Variants in INSR observed in about 807,000 individuals in gnomAD.
INSR encodes IR.
INSR carries 67 observed loss-of-function variants against 142.6 expected under a neutral mutation model. The ratio of observed to expected loss-of-function variants is 0.47; its 90% CI spans 0.39 to 0.58. The LOEUF is 0.58. Ranked by LOEUF, INSR falls within the 20% of genes least tolerant of loss-of-function variation. The pLI is 0.00. For synonymous variants in INSR, 756 were observed against 743.1 expected, an observed-to-expected ratio of 1.02 and a Z score of -0.28; for missense variants, 1,248 against 1,833.2, an observed-to-expected ratio of 0.68 and a Z score of 5.83.
intron 10 of INSR, 93 bp downstream of exon 10, chr19:7,152,633 G>A (rs1357146459): frequency 1.9e-6 from 2 of 1,027,436 alleles, no homozygotes; most frequent in Non-Finnish European, 3.1e-6. Context: ...TGCCGTCTCT[G>A]GGTCCCACTA....
chr19:7,237,301 G>A (rs1600075493), intron 2 of INSR, among the ~76,000 whole-genome samples: 1 of 151,922 alleles, frequency 6.6e-6, no homozygotes, highest in African/African-American at 2.4e-5. Context: ...GGTGGATCAC[G>A]AGGTCAGGAG....
intron 2 of INSR, among the ~76,000 whole-genome samples, chr19:7,254,232 T>G (rs1050540356): frequency 1.3e-5 from 2 of 151,696 alleles, no homozygotes; most frequent in East Asian, 1.9e-4. Flanking sequence ...AAAAATAAAT[T>G]AGCCAGGGAT....
chr19:7,195,696 A>G (rs1568478741), intron 2 of INSR, among the ~76,000 whole-genome samples: 1 of 151,978 alleles, frequency 6.6e-6, no homozygotes, highest in Non-Finnish European at 1.5e-5. Flanking sequence ...ATGTTGGGAA[A>G]GACACAGAAA....
At chr19:7,258,017 G>A (rs1383714332) in intron 2 of INSR, among the ~76,000 whole-genome samples, 1 of 152,176 alleles carries the variant, frequency 6.6e-6, no homozygotes, top group Non-Finnish European at 1.5e-5. Flanking sequence ...GTAGAGATGG[G>A]GTTTCTCCAT....
chr19:7,288,950 GAAAAAAA>G (rs34590794), intron 1 of INSR, among the ~76,000 whole-genome samples: 1 of 88,692 alleles, frequency 1.1e-5, no homozygotes, highest in Non-Finnish European at 2.2e-5. Flanking sequence ...GTGAAGAAGT[GAAAAAAA>G]AAAAAAAAAA....
chr19:7,164,751 G>A (rs937043948), intron 8 of INSR, among the ~76,000 whole-genome samples: 39 of 147,474 alleles, frequency 2.6e-4, no homozygotes, highest in Non-Finnish European at 3.3e-4. Flanking sequence ...GCTTGAACCC[G>A]GGAGGCAGAG....
At chr19:7,180,003 G>T (rs541689733) in intron 3 of INSR, among the ~76,000 whole-genome samples, 1 of 152,186 alleles carries the variant, frequency 6.6e-6, no homozygotes, top group African/African-American at 2.4e-5. Flanking sequence ...GCTGGGGTAA[G>T]AGACTTATGG....
At position 7,225,774 on chromosome 19, in the gene INSR, G is replaced by A. The variant is rs1975761425; in HGVS notation, c.653-41137C>T. Among the ~76,000 whole-genome samples, 1 of 152,116 alleles carries A rather than the reference G, an allele frequency of 6.6e-6. No homozygotes were observed. Among genetic ancestry groups the A allele is most frequent in the Admixed American group, 6.5e-5 (1 of 15,276 alleles). On this transcript the variant is annotated intron_variant, in intron 2 of 21. Transcript: ENST00000302850. This position sits in a 1 kb window ranked among gnomAD's most constrained non-coding sequence, Gnocchi z 4.7. The stretch of plus-strand genomic sequence containing the variant: ...CCCATTCCAGCACCCTGGTCCAGGG[G>A]TCCTCAAATGGAGGCGATTCTGCCC...
At position 7,119,651 on chromosome 19, in the gene INSR, A is replaced by C. The variant is rs200860415; in HGVS notation, c.3660-68T>G. On this transcript the variant is annotated intron_variant, in intron 20 of 21. Transcript: ENST00000302850. This position sits in a 1 kb window ranked among gnomAD's most constrained non-coding sequence, Gnocchi z 5.2. The stretch of plus-strand genomic sequence containing the variant: ...ACACACACACACACGCGCGCGCGCA[A>C]ACACACACACGCAAACGCACACACA... 6.1e-6 allele frequency: 9 copies of C among 1,478,876 alleles called. No homozygotes were observed. Among genetic ancestry groups the C allele is most frequent in the African/African-American group, 2.7e-5 (2 of 73,278 alleles). 91.6% of individuals were successfully genotyped at this position (1,478,876 alleles called of 1,614,324 possible).
chr19:7,262,142 C>T (rs1977083376), intron 2 of INSR, among the ~76,000 whole-genome samples: 1 of 152,148 alleles, frequency 6.6e-6, no homozygotes, highest in African/African-American at 2.4e-5. Context: ...AAGGCTCAAT[C>T]TATTCTGTAT....
intron 3 of INSR, among the ~76,000 whole-genome samples, chr19:7,176,765 AG>A (rs1484497379): frequency 6.6e-6 from 1 of 152,174 alleles, no homozygotes; most frequent in Non-Finnish European, 1.5e-5. Flanking sequence ...CAGAACTGTC[AG>A]CCAATTAAAC....
chr19:7,152,398 A>T, intron 10 of INSR: 1 of 346,692 alleles, frequency 2.9e-6, no homozygotes, highest in Non-Finnish European at 5.5e-6. Flanking sequence ...AAAAAAAGAG[A>T]GAGAGAGAAA....
rs1359806388 is a variant in INSR at position 7,185,232 on chromosome 19, T to A, written c.653-595A>T. 2.0e-5 allele frequency among the ~76,000 whole-genome samples: 3 copies of A among 151,954 alleles called. No individual in the cohort carries two copies. The South Asian group carries it at 6.3e-4, about 32-fold the overall frequency. On this transcript the variant is annotated intron_variant, in intron 2 of 21. Transcript: ENST00000302850. ...TTTAACTGTAGGTTTATGTAATTTT[T>A]ATGAATATCTATGTTTAACAAATGG...
chr19:7,163,885 G>A (rs535550040), intron 8 of INSR, among the ~76,000 whole-genome samples: 3 of 127,262 alleles, frequency 2.4e-5, no homozygotes, highest in South Asian at 2.5e-4. Context: ...TCAGGAGTTC[G>A]AGACTACACC....
chr19:7,282,764 T>A (rs1486770511), intron 1 of INSR, among the ~76,000 whole-genome samples: 1 of 151,278 alleles, frequency 6.6e-6, no homozygotes, highest in East Asian at 2.0e-4. Context: ...AGGTGGGGGA[T>A]CACGAGGTCA....
chr19:7,135,860 CAA>C (rs1411664552), intron 13 of INSR, among the ~76,000 whole-genome samples: 2 of 151,068 alleles, frequency 1.3e-5, no homozygotes, highest in African/African-American at 4.9e-5. Flanking sequence ...CCCAGATACT[CAA>C]GAGGCTGAGG....
At chr19:7,220,927 G>T (rs1975591439) in intron 2 of INSR, among the ~76,000 whole-genome samples, 1 of 152,108 alleles carries the variant, frequency 6.6e-6, no homozygotes, top group African/African-American at 2.4e-5. Flanking sequence ...CTCATAAGTG[G>T]ATTAATCCAT....
At chr19:7,253,801 G>A (rs1267471989) in intron 2 of INSR, among the ~76,000 whole-genome samples, 2 of 152,058 alleles carry the variant, frequency 1.3e-5, no homozygotes, top group Non-Finnish European at 2.9e-5. Context: ...GGCTGAGGCT[G>A]GTGGATCATT....
chr19:7,202,894 CT>C (rs1161647477), intron 2 of INSR, among the ~76,000 whole-genome samples: 3 of 151,890 alleles, frequency 2.0e-5, no homozygotes, highest in Admixed American at 1.3e-4. Flanking sequence ...TTCAGTTAAG[CT>C]TTTAAAAATT....
Sources: gnomAD v4.1 joint callset for allele counts (sites outside exome capture counted in the v4.1 genomes callset) on GRCh38, gnomAD v4.1.1 for gene constraint, Gnocchi (gnomAD v3.1) non-coding constraint, MANE v1.5 for transcripts, NCBI Gene and HGNC (gene_info 2026-07-23, HGNC 2026-07-21) for gene names.